The following ZBTB2 variants were observed in gnomAD, a reference collection of about 807,000 sequenced individuals.
The protein encoded by ZBTB2 is zinc finger and BTB domain-containing protein 2.
ZBTB2 carries 2 observed loss-of-function variants against 39.5 expected under a neutral mutation model. The ratio of observed to expected loss-of-function variants is 0.05; its 90% CI spans 0.02 to 0.16. The LOEUF (loss-of-function observed/expected upper bound fraction) is 0.16, where lower values mean the gene tolerates loss of function less well. ZBTB2 is among the 10% of genes least tolerant of loss of function. The pLI is 1.00. For synonymous variants in ZBTB2, 251 were observed against 256.6 expected, an observed-to-expected ratio of 0.98 and a Z score of 0.21; for missense variants, 391 against 653.0, an observed-to-expected ratio of 0.60 and a Z score of 4.37.
At chr6:151,373,865 AAAAAAAAAAAAAC>A in intron 1 of ZBTB2, among the ~76,000 whole-genome samples, 1 of 112,228 alleles carries the variant, frequency 8.9e-6, no homozygotes, top group South Asian at 2.9e-4. Context: ...AAAAAAAAAA[AAAAAAAAAAAAAC>A]CAGATGATGC....
intron 1 of ZBTB2, among the ~76,000 whole-genome samples, chr6:151,379,322 A>G (rs1416653306): frequency 6.6e-6 from 1 of 151,866 alleles, no homozygotes; most frequent in African/African-American, 2.4e-5. Context: ...CCATTTTCCT[A>G]TTCGATTGTC....
At chr6:151,372,753 ATACT>A (rs916373824) in intron 2 of ZBTB2, among the ~76,000 whole-genome samples, 4 of 152,190 alleles carry the variant, frequency 2.6e-5, no homozygotes, top group Admixed American at 1.3e-4. Context: ...AGTCAGGGGG[ATACT>A]CAGGGGACTG....
At chr6:151,391,182 C>A (rs1779298522) in intron 1 of ZBTB2, among the ~76,000 whole-genome samples, 1 of 150,822 alleles carries the variant, frequency 6.6e-6, no homozygotes, top group South Asian at 2.1e-4. Flanking sequence ...CGCCGCCGCC[C>A]CCGCGAGGCG....
In ZBTB2 at chr6:151,366,330, T is replaced by G. The variant is rs139025238; in HGVS notation, c.736A>C (p.Arg246=). ...IAHVKPSIMK[R]NGSFPKYYAC... is the part of the protein sequence containing the mutation. ...TAGTACTTTGGAAAGCTCCCATTCC[T>G]CTTCATGATGCTTGGCTTGACGTGG... The change falls in exon 3 of 3, where the codon AGG becomes CGG. Residue 246 remains arginine, a synonymous_variant. Transcript: ENST00000325144. The surrounding 1 kb of genome is among the most constrained non-coding windows in gnomAD (Gnocchi z 7.1). The G allele has an allele frequency of 1.9e-6, 3 of 1,614,128 alleles. No individual in the cohort carries two copies. The highest frequency in any genetic ancestry group is 2.5e-6 in the Non-Finnish European group (3 of 1,180,020).
chr6:151,376,923 T>C (rs1249509376), intron 1 of ZBTB2, among the ~76,000 whole-genome samples: 1 of 152,018 alleles, frequency 6.6e-6, no homozygotes, highest in Admixed American at 6.6e-5. Flanking sequence ...TTCCTAATAA[T>C]CAAAAACTGG....
At chr6:151,390,277 C>T (rs1256760405) in intron 1 of ZBTB2, among the ~76,000 whole-genome samples, 2 of 149,004 alleles carry the variant, frequency 1.3e-5, no homozygotes, top group African/African-American at 2.5e-5. Context: ...CCTCGTCCCA[C>T]CCGCCCCGGG....
At chr6:151,384,398 T>C (rs1211162247) in intron 1 of ZBTB2, among the ~76,000 whole-genome samples, 1 of 152,092 alleles carries the variant, frequency 6.6e-6, no homozygotes, top group East Asian at 1.9e-4. Context: ...GAAGACCTGC[T>C]GGAAAGTGGT....
chr6:151,382,510 C>G (rs142830474), intron 1 of ZBTB2, among the ~76,000 whole-genome samples: 2,417 of 150,174 alleles, frequency 0.016, 75 homozygotes, highest in African/African-American at 0.056. Flanking sequence ...CCGCCTCGGC[C>G]TCCCAAAGTG....
chr6:151,369,380 C>T (rs1778728992), intron 2 of ZBTB2, among the ~76,000 whole-genome samples: 1 of 151,208 alleles, frequency 6.6e-6, no homozygotes, highest in South Asian at 2.1e-4. Context: ...GAGAGGGGGT[C>T]TTGCTCTGTA....
At chr6:151,374,947 A>AC (rs1263329436) in intron 1 of ZBTB2, among the ~76,000 whole-genome samples, 1 of 150,344 alleles carries the variant, frequency 6.7e-6, no homozygotes, top group Non-Finnish European at 1.5e-5. Flanking sequence ...AAAAAAAAAA[A>AC]AAAAAAACAA....
rs749318595 is a variant in ZBTB2 at position 151,366,599 on chromosome 6, C to A, written c.467G>T (p.Gly156Val). ...TKIASAPEKL[G>V]RDPRPQTSRI... ...GGAGGTCTGTGGCCGTGGATCTCGC[C>A]CGAGTTTTTCAGGTGCTGAAGCAAT... The change falls in exon 3 of 3, where the codon GGG (glycine) becomes GTG (valine). Residue 156 changes from glycine to valine, a missense_variant. Gly to Val is a moderately radical substitution (Grantham distance 109). Coordinates refer to ENST00000325144, the MANE Select transcript of ZBTB2 (RefSeq NM_020861.3). The surrounding 1 kb of genome is among the most constrained non-coding windows in gnomAD (Gnocchi z 7.1). 2.5e-6 allele frequency: 4 copies of A among 1,613,960 alleles called. No homozygotes were observed. The Admixed American group carries it at 6.7e-5, about 27-fold the overall frequency.
chr6:151,391,441 CG>C lies in ZBTB2; in HGVS notation c.-35del, dbSNP rs1283624188. Reference sequence around the variant, plus strand: ...TTACCTGTCGCCGGTGCTGCTGCGGCGGGGGGTGTGGAGGAGGCGCCTCTGG... The same window carrying C: ...TTACCTGTCGCCGGTGCTGCTGCGGCGGGGGTGTGGAGGAGGCGCCTCTGG... On this transcript the variant is annotated 5_prime_UTR_variant, in exon 1 of 3. Coordinates refer to ENST00000325144, the MANE Select transcript of ZBTB2 (RefSeq NM_020861.3). 1.3e-5 allele frequency: 2 copies of C among 152,068 alleles called. No homozygotes were observed. The highest frequency in any genetic ancestry group is 2.0e-4 in the South Asian group (1 of 5,048). The allele number at this position is 152,068 out of a possible 1,614,324, so 9.4% of individuals were successfully genotyped here.
intron 1 of ZBTB2, among the ~76,000 whole-genome samples, chr6:151,374,336 T>C (rs949150089): frequency 6.6e-6 from 1 of 152,162 alleles, no homozygotes; most frequent in Non-Finnish European, 1.5e-5. Flanking sequence ...TTGAGAAGTA[T>C]AAGTAATTTG....
Position 151,367,423 on chromosome 6 carries a change from GTTAAA to G in ZBTB2, c.174-536_174-532del, listed in dbSNP as rs559962207. Among the ~76,000 whole-genome samples, 227 of 152,258 alleles carry G rather than the reference GTTAAA, an allele frequency of 1.5e-3. 2 individuals are homozygous for G. The highest frequency in any genetic ancestry group is 5.1e-3 in the African/African-American group (213 of 41,552). On this transcript the variant is annotated intron_variant, in intron 2 of 2. Transcript: ENST00000325144. ...GGCGTGAGCCACCACGCCTGGCCAA[GTTAAA>G]TTAAATATTATGTATTCTATTTTTA...
At chr6:151,390,529 C>T (rs1779268302) in intron 1 of ZBTB2, among the ~76,000 whole-genome samples, 1 of 150,006 alleles carries the variant, frequency 6.7e-6, no homozygotes, top group African/African-American at 2.4e-5. Flanking sequence ...GCGCAACAGC[C>T]CCGGCGCCGG....
At chr6:151,384,805 A>T (rs748818788) in intron 1 of ZBTB2, among the ~76,000 whole-genome samples, 4 of 152,222 alleles carry the variant, frequency 2.6e-5, no homozygotes, top group Non-Finnish European at 5.9e-5. Context: ...CAGAAAAACC[A>T]TGTCCTTAAA....
chr6:151,370,627 T>C (rs1582915293), intron 2 of ZBTB2, among the ~76,000 whole-genome samples: 1 of 152,236 alleles, frequency 6.6e-6, no homozygotes, highest in South Asian at 2.1e-4. Context: ...CTCGGAGTAG[T>C]AGACATAAGA....
chr6:151,380,139 T>TG (rs1779000038), intron 1 of ZBTB2, among the ~76,000 whole-genome samples: 1 of 140,000 alleles, frequency 7.1e-6, no homozygotes, highest in South Asian at 2.2e-4. Context: ...ACCAGAGAAA[T>TG]GAAAAAAAAA....
At chr6:151,389,761 T>C (rs1294920931) in intron 1 of ZBTB2, among the ~76,000 whole-genome samples, 2 of 151,746 alleles carry the variant, frequency 1.3e-5, no homozygotes, top group African/African-American at 4.8e-5. Context: ...GGAGTTCACG[T>C]ATTCGGGTGG....
Sources: gnomAD v4.1 joint callset for allele counts (sites outside exome capture counted in the v4.1 genomes callset) on GRCh38, gnomAD v4.1.1 for gene constraint, Gnocchi (gnomAD v3.1) non-coding constraint, MANE v1.5 for transcripts, NCBI Gene and HGNC (gene_info 2026-07-23, HGNC 2026-07-21) for gene names.